Variants in PPARGC1A observed in about 807,000 individuals in gnomAD.
PPARGC1A encodes the protein PPARG coactivator 1 alpha.
In PPARGC1A, 25 loss-of-function variants were observed where a neutral mutation model predicts 88.7. The observed-to-expected ratio is 0.28, with a 90% CI of 0.21 to 0.39. PPARGC1A has a LOEUF of 0.39. Ranked by LOEUF, PPARGC1A falls within the 10% of genes least tolerant of loss-of-function variation. The pLI, the probability that PPARGC1A is intolerant of heterozygous loss-of-function variation, is 1.00. For missense variants in PPARGC1A, 880 were observed against 968.7 expected, an observed-to-expected ratio of 0.91 and a Z score of 1.22; for synonymous variants, 363 against 355.6, an observed-to-expected ratio of 1.02 and a Z score of -0.24.
chr4:24,370,314 T>C, the PPARGC1A span, among the ~76,000 whole-genome samples: 22,599 of 152,092 alleles, frequency 0.15, 1,683 homozygotes, highest in South Asian at 0.22. Flanking sequence ...TGGTCAAAAA[T>C]GGGCACTTTC....
chr4:24,418,236 G>A, the PPARGC1A span, among the ~76,000 whole-genome samples: 3 of 152,044 alleles, frequency 2.0e-5, no homozygotes, highest in African/African-American at 4.8e-5. Flanking sequence ...AGAACTTGGC[G>A]TCTGAGGTTG....
chr4:24,068,651 G>T, the PPARGC1A span, among the ~76,000 whole-genome samples: 2 of 152,178 alleles, frequency 1.3e-5, no homozygotes, highest in African/African-American at 4.8e-5. Context: ...GTCAGAACAG[G>T]ACTCACACAG....
the PPARGC1A span, among the ~76,000 whole-genome samples, chr4:24,002,724 G>A: frequency 6.6e-6 from 1 of 151,540 alleles, no homozygotes; most frequent in East Asian, 1.9e-4. Flanking sequence ...GGAACCTCAA[G>A]ATAAAGGACC....
At chr4:24,472,590 G>A in the PPARGC1A span, among the ~76,000 whole-genome samples, 2 of 152,106 alleles carry the variant, frequency 1.3e-5, no homozygotes, top group Non-Finnish European at 2.9e-5. The surrounding 1 kb of genome is among the most constrained non-coding windows in gnomAD (Gnocchi z 4.5). Context: ...AGAAAAGGAG[G>A]GGGAAGGGAA....
chr4:23,844,742 C>A (rs555611598), intron 2 of PPARGC1A, among the ~76,000 whole-genome samples: 1,072 of 23,804 alleles, frequency 0.045, 85 homozygotes, highest in African/African-American at 0.11. Context: ...TATGATATAT[C>A]ATAATATATG....
At chr4:24,206,533 A>AT in the PPARGC1A span, among the ~76,000 whole-genome samples, 1 of 152,216 alleles carries the variant, frequency 6.6e-6, no homozygotes, top group Non-Finnish European at 1.5e-5. Flanking sequence ...CATATAAAAA[A>AT]TACTAACATT....
chr4:23,958,922 T>G, the PPARGC1A span, among the ~76,000 whole-genome samples: 1 of 151,944 alleles, frequency 6.6e-6, no homozygotes, highest in African/African-American at 2.4e-5. Flanking sequence ...TTAAAGGGCT[T>G]ATTCATATTG....
At chr4:24,133,636 C>G in the PPARGC1A span, among the ~76,000 whole-genome samples, 2 of 152,144 alleles carry the variant, frequency 1.3e-5, no homozygotes, top group African/African-American at 2.4e-5. Flanking sequence ...AATTGTACGT[C>G]CCTCCCTAGA....
chr4:24,300,833 G>A, the PPARGC1A span, among the ~76,000 whole-genome samples: 17 of 152,076 alleles, frequency 1.1e-4, no homozygotes, highest in South Asian at 6.2e-4. Flanking sequence ...AAAAGATGAC[G>A]AAGACTAGAA....
chr4:23,921,967 ATTCATTCG>A, the PPARGC1A span, among the ~76,000 whole-genome samples: 11 of 152,228 alleles, frequency 7.2e-5, no homozygotes, highest in Admixed American at 2.0e-4. Context: ...CCATTCATTC[ATTCATTCG>A]TTCATTCATT....
the PPARGC1A span, among the ~76,000 whole-genome samples, chr4:24,150,962 T>C: frequency 1.3e-5 from 2 of 152,206 alleles, no homozygotes; most frequent in African/African-American, 4.8e-5. Context: ...AATATGCCTA[T>C]GCTGTTCCAA....
the PPARGC1A span, among the ~76,000 whole-genome samples, chr4:24,002,097 C>CAGAGAG: frequency 2.8e-3 from 355 of 125,356 alleles, 2 homozygotes; most frequent in East Asian, 5.3e-3. Context: ...CACACACACA[C>CAGAGAG]AGAGAGAGAG....
At chr4:24,436,254 C>CA in the PPARGC1A span, among the ~76,000 whole-genome samples, 148 of 152,268 alleles carry the variant, frequency 9.7e-4, no homozygotes, top group African/African-American at 3.2e-3. Flanking sequence ...AATTTGACAC[C>CA]AAAAAATTGA....
intron 2 of PPARGC1A, among the ~76,000 whole-genome samples, chr4:23,850,926 G>C (rs1342189701): frequency 6.6e-6 from 1 of 152,080 alleles, no homozygotes; most frequent in Non-Finnish European, 1.5e-5. Context: ...ACCTTTATAG[G>C]TATACATTTA....
the PPARGC1A span, among the ~76,000 whole-genome samples, chr4:24,471,181 G>GCGCGCC: frequency 3.3e-5 from 5 of 151,674 alleles, no homozygotes; most frequent in Non-Finnish European, 5.9e-5. The surrounding 1 kb of genome is among the most constrained non-coding windows in gnomAD (Gnocchi z 5.4). Context: ...AGCTCCCCCC[G>GCGCGCC]CGGTGCGCGC....
chr4:24,244,968 T>G, the PPARGC1A span, among the ~76,000 whole-genome samples: 2 of 152,026 alleles, frequency 1.3e-5, no homozygotes, highest in African/African-American at 4.8e-5. Flanking sequence ...CCAATGTTCT[T>G]TTTAAGAATG....
the PPARGC1A span, among the ~76,000 whole-genome samples, chr4:24,454,346 T>G: frequency 6.6e-6 from 1 of 151,964 alleles, no homozygotes. Context: ...TTTGGGGTAG[T>G]TTTTGGTACA....
intron 2 of PPARGC1A, chr4:23,880,083 G>A (rs968931533): frequency 3.9e-5 from 6 of 151,900 alleles, no homozygotes; most frequent in African/African-American, 1.2e-4. Context: ...ATGCATACAC[G>A]AGCTCGCAAT....
At chr4:24,215,274 G>A in the PPARGC1A span, among the ~76,000 whole-genome samples, 1 of 152,186 alleles carries the variant, frequency 6.6e-6, no homozygotes, top group Admixed American at 6.5e-5. Context: ...GAGAATCAGA[G>A]AAGCACACAC....
Sources: gnomAD v4.1 joint callset for allele counts (sites outside exome capture counted in the v4.1 genomes callset) on GRCh38, gnomAD v4.1.1 for gene constraint, Gnocchi (gnomAD v3.1) non-coding constraint, MANE v1.5 for transcripts, NCBI Gene and HGNC (gene_info 2026-07-23, HGNC 2026-07-21) for gene names.